The following KPNA7 variants were observed in gnomAD, a reference collection of about 807,000 sequenced individuals.
KPNA7 encodes the protein importin subunit alpha-8.
A neutral mutation model predicts 53.7 loss-of-function variants in KPNA7; 54 were observed. The observed-to-expected ratio is 1.01, with a 90% confidence interval of 0.81 to 1.26. The LOEUF (loss-of-function observed/expected upper bound fraction) is 1.26. Ranked by LOEUF, KPNA7 falls within the 50% of genes most tolerant of loss-of-function variation. KPNA7 has a pLI of 0.00. For missense variants in KPNA7, 640 were observed against 644.5 expected, an observed-to-expected ratio of 0.99 and a Z score of 0.07; for synonymous variants, 276 against 259.3, an observed-to-expected ratio of 1.06 and a Z score of -0.62.
chr7:99,190,457 G>C (rs909488429), intron 6 of KPNA7, among the ~76,000 whole-genome samples: 1 of 152,064 alleles, frequency 6.6e-6, no homozygotes, highest in African/African-American at 2.4e-5. Context: ...TTTTTGGCAG[G>C]CTCTGCCTGA....
chr7:99,177,865 C>G, intron 10 of KPNA7, 55 bp downstream of exon 10: 2 of 1,529,526 alleles, frequency 1.3e-6, no homozygotes, highest in Non-Finnish European at 1.8e-6. Context: ...TGACCCTCTG[C>G]AGAGCTGCCC....
chr7:99,209,704 A>AAAG (rs1563091971), upstream of KPNA7, among the ~76,000 whole-genome samples: 1 of 142,702 alleles, frequency 7.0e-6, no homozygotes, highest in African/African-American at 2.7e-5. Context: ...AAAAAAAAAA[A>AAAG]AAAAAAGAAA....
downstream of KPNA7, among the ~76,000 whole-genome samples, chr7:99,172,865 C>T (rs1322722210): frequency 6.6e-6 from 1 of 151,902 alleles, no homozygotes; most frequent in African/African-American, 2.4e-5. Flanking sequence ...GAGTTTGAGA[C>T]CAGCCTGGTC....
chr7:99,194,407 C>T (rs967574237), intron 5 of KPNA7, among the ~76,000 whole-genome samples: 3 of 152,140 alleles, frequency 2.0e-5, no homozygotes, highest in Non-Finnish European at 2.9e-5. Context: ...AAGGCAGAGT[C>T]CTTCTGGGGT....
downstream of KPNA7, chr7:99,173,563 A>G: frequency 1.7e-6 from 1 of 577,716 alleles, no homozygotes; most frequent in Non-Finnish European, 3.1e-6. Flanking sequence ...AAGTTCAGAT[A>G]GAGAAACGTG....
chr7:99,190,663 T>C (rs1789899778), intron 6 of KPNA7, among the ~76,000 whole-genome samples: 1 of 151,674 alleles, frequency 6.6e-6, no homozygotes, highest in Non-Finnish European at 1.5e-5. Context: ...CTTTTTTTTT[T>C]TTTTTGGGGG....
In KPNA7 at chr7:99,173,783, CT is replaced by C; in HGVS notation, c.1475del (p.Glu492GlyfsTer6). 1 of 1,547,040 alleles carries C rather than the reference CT, an allele frequency of 6.5e-7. No individual in the cohort carries two copies. On this transcript the variant is annotated frameshift_variant, in exon 11 of 11. Transcript: ENST00000327442. LOFTEE classifies it low-confidence loss of function (END_TRUNC). ...TGACTTGGCTCAGTAAAGTTTGGCTCTCATCTTCTTCCTTCAGGAGAGAATA... is the reference window on the plus strand; with the variant it reads ...TGACTTGGCTCAGTAAAGTTTGGCTCCATCTTCTTCCTTCAGGAGAGAATA... ...IEKHFGEEED[E>X]SQTLLSQVID...
chr7:99,165,307 A>T, the KPNA7 span, among the ~76,000 whole-genome samples: 1 of 152,014 alleles, frequency 6.6e-6, no homozygotes, highest in Non-Finnish European at 1.5e-5. Context: ...CTTTTTAAAA[A>T]AAAAAAAAAA....
chr7:99,177,547 C>G lies in KPNA7; in HGVS notation c.1464+373G>C, dbSNP rs956627650. Reference sequence around the variant, plus strand: ...CTGAGATGGCGCCTCTGTCCTCCAGCCTGGGCAACAGAGTGAAACCATCTC... The same window carrying G: ...CTGAGATGGCGCCTCTGTCCTCCAGGCTGGGCAACAGAGTGAAACCATCTC... On this transcript the variant is annotated intron_variant, in intron 10 of 10. Transcript: ENST00000327442. Among the ~76,000 whole-genome samples, 3 of 140,844 alleles carry G rather than the reference C, an allele frequency of 2.1e-5. No individual in the cohort carries two copies. In the Admixed American group the frequency reaches 2.3e-4, roughly 11 times the overall value. The allele number at this position is 140,844 out of a possible 152,430, so 92.4% of individuals were successfully genotyped here. A position where few individuals can be genotyped will look rare whatever the true frequency, so the allele number is the denominator to read the frequency against.
At chr7:99,204,904 T>C (rs145493673) in intron 2 of KPNA7, among the ~76,000 whole-genome samples, 53 of 152,210 alleles carry the variant, frequency 3.5e-4, no homozygotes, top group African/African-American at 1.3e-3. Context: ...TGGCATTATA[T>C]GGCAAGGTAG....
At chr7:99,218,298 ATT>A (rs902529184) in intron 1 of KPNA7, among the ~76,000 whole-genome samples, 1 of 151,300 alleles carries the variant, frequency 6.6e-6, no homozygotes, top group Non-Finnish European at 1.5e-5. Context: ...ATTTTTTCAA[ATT>A]TTTTTTTCTT....
At chr7:99,163,320 TATAC>T in the KPNA7 span, among the ~76,000 whole-genome samples, 1 of 143,142 alleles carries the variant, frequency 7.0e-6, no homozygotes, top group African/African-American at 2.6e-5. Flanking sequence ...TTATATATAA[TATAC>T]ATATTTTATA....
In KPNA7 at chr7:99,215,920, C is replaced by T. The variant is rs552515426; in HGVS notation, c.-23-8431G>A. ...GCCCAGTAGGTTGAGGCTGCAGCAGCGAGTTATGATTGCACCACTACGCTC... is the reference window on the plus strand; with the variant it reads ...GCCCAGTAGGTTGAGGCTGCAGCAGTGAGTTATGATTGCACCACTACGCTC... On this transcript the variant is annotated intron_variant, in intron 1 of 10. Coordinates refer to the KPNA7 transcript ENST00000681060. Among the ~76,000 whole-genome samples, 13 of 151,222 alleles carry T rather than the reference C, an allele frequency of 8.6e-5. 1 individual carries two copies. In the South Asian group the frequency reaches 1.5e-3, roughly 17 times the overall value.
chr7:99,213,637 G>A (rs1251148815), intron 1 of KPNA7, among the ~76,000 whole-genome samples: 1 of 151,718 alleles, frequency 6.6e-6, no homozygotes, highest in Non-Finnish European at 1.5e-5. Context: ...TAGAGATGGG[G>A]TCTTACTCTG....
upstream of KPNA7, among the ~76,000 whole-genome samples, chr7:99,209,351 C>T (rs1268083418): frequency 6.6e-6 from 1 of 152,062 alleles, no homozygotes; most frequent in Non-Finnish European, 1.5e-5. Flanking sequence ...CCAGTCCAGA[C>T]CACTATCACC....
chr7:99,184,956 C>A lies in KPNA7; in HGVS notation c.1107G>T (p.Leu369Phe), dbSNP rs1789497531. 6.4e-7 allele frequency: 1 copy of A among 1,552,104 alleles called. No homozygotes were observed. Among genetic ancestry groups the A allele is most frequent in the South Asian group, 1.2e-5 (1 of 84,060 alleles). ...TTTTTAGCAGAGCCACCAAGGGAGGCAAGACGTCGTAGGCAAGCAGCTGCT... is the reference window on the plus strand; with the variant it reads ...TTTTTAGCAGAGCCACCAAGGGAGGAAAGACGTCGTAGGCAAGCAGCTGCT... ...HIQQLLAYDVLPPLVALLKNG... is the reference protein window; with the variant it reads ...HIQQLLAYDVFPPLVALLKNG... Residue 369 changes from leucine (L) to phenylalanine (F), a missense_variant, in exon 8 of 11, where the codon TTG becomes TTT. Leu to Phe is a conservative substitution (Grantham distance 22). Coordinates refer to ENST00000327442, the MANE Select transcript of KPNA7 (RefSeq NM_001145715.3).
rs1250203431 is a variant in KPNA7 at position 99,195,312 on chromosome 7, G to A, written c.311C>T (p.Pro104Leu). Residue 104 changes from proline to leucine, a missense_variant, in exon 5 of 11, where the codon CCC becomes CTC. By Grantham distance (98) the Pro-to-Leu change is moderately conservative (BLOSUM62 -3). Coordinates refer to ENST00000327442, the MANE Select transcript of KPNA7 (RefSeq NM_001145715.3). ...CGCTTCAATGACCAGTTTCAGAGGGGGGTTCTTTTCCTGGGATAGCATTTT... is the reference window on the plus strand; with the variant it reads ...CGCTTCAATGACCAGTTTCAGAGGGAGGTTCTTTTCCTGGGATAGCATTTT... ...ARKMLSQEKN[P>L]PLKLVIEAGL... 4 of 1,551,464 alleles carry A rather than the reference G, an allele frequency of 2.6e-6. No homozygotes were observed. The highest frequency in any genetic ancestry group is 3.5e-6 in the Non-Finnish European group (4 of 1,146,956).
At chr7:99,199,023 T>TA (rs1175678983) in intron 3 of KPNA7, among the ~76,000 whole-genome samples, 22 of 80,116 alleles carry the variant, frequency 2.7e-4, no homozygotes, top group Middle Eastern at 9.3e-3. Flanking sequence ...TGCTTAGTAA[T>TA]AAATTTATTG....
intron 1 of KPNA7, among the ~76,000 whole-genome samples, chr7:99,214,449 A>G (rs898448058): frequency 6.8e-6 from 1 of 146,206 alleles, no homozygotes; most frequent in African/African-American, 2.5e-5. Context: ...TCTCAAAAAA[A>G]AACAAAAAAC....
Sources: gnomAD v4.1 joint callset for allele counts (sites outside exome capture counted in the v4.1 genomes callset) on GRCh38, gnomAD v4.1.1 for gene constraint, MANE v1.5 for transcripts, NCBI Gene and HGNC (gene_info 2026-07-23, HGNC 2026-07-21) for gene names.